The following RABGEF1 variants were observed in gnomAD, a reference collection of about 807,000 sequenced individuals.
RABGEF1 encodes RAB guanine nucleotide exchange factor 1, also known as rab5 GDP/GTP exchange factor.
A neutral mutation model predicts 57.3 loss-of-function variants in RABGEF1; 26 were observed. The ratio of observed to expected loss-of-function variants is 0.45; its 90% CI spans 0.33 to 0.63. The LOEUF (loss-of-function observed/expected upper bound fraction) is 0.63. RABGEF1 is among the 20% of genes least tolerant of loss of function. The probability of loss-of-function intolerance (pLI) is 0.02; values close to 1 mark genes in which losing one functional copy is unlikely to be tolerated. For missense variants in RABGEF1, 464 were observed against 607.6 expected, an observed-to-expected ratio of 0.76 and a Z score of 2.48; for synonymous variants, 185 against 210.7, an observed-to-expected ratio of 0.88 and a Z score of 1.06.
At chr7:66,793,640 A>G (rs1813252744) in intron 4 of RABGEF1, among the ~76,000 whole-genome samples, 2 of 145,364 alleles carry the variant, frequency 1.4e-5, no homozygotes, top group Non-Finnish European at 3.1e-5. Context: ...TTTGCATAAA[A>G]TACTTGAAGT....
At chr7:66,764,262 C>T (rs1805150603) in intron 1 of RABGEF1, among the ~76,000 whole-genome samples, 1 of 152,198 alleles carries the variant, frequency 6.6e-6, no homozygotes, top group African/African-American at 2.4e-5. Context: ...CGACTGTTTG[C>T]ATATCTTTCT....
At chr7:66,717,484 G>T (rs939417072) in intron 2 of RABGEF1, among the ~76,000 whole-genome samples, 2 of 152,108 alleles carry the variant, frequency 1.3e-5, no homozygotes, top group African/African-American at 4.8e-5. Flanking sequence ...AGGCCAGGGC[G>T]TGGTGGCTCA....
At chr7:66,692,077 A>C (rs902600746) in intron 1 of RABGEF1, among the ~76,000 whole-genome samples, 1 of 150,954 alleles carries the variant, frequency 6.6e-6, no homozygotes, top group African/African-American at 2.5e-5. Context: ...AAACAAACAA[A>C]CAAATAAATA....
chr7:66,738,203 G>A (rs182388397), upstream of RABGEF1, among the ~76,000 whole-genome samples: 1 of 151,910 alleles, frequency 6.6e-6, no homozygotes, highest in Non-Finnish European at 1.5e-5. Context: ...ATTTTTAGTA[G>A]AGGTGGCGTT....
At chr7:66,804,891 G>A (rs78910229) in intron 7 of RABGEF1, among the ~76,000 whole-genome samples, 2,230 of 152,132 alleles carry the variant, frequency 0.015, 61 homozygotes, top group East Asian at 0.095. Flanking sequence ...ATATTAATAA[G>A]AGTATCCATT....
intron 5 of RABGEF1, among the ~76,000 whole-genome samples, chr7:66,797,059 G>A (rs1482311776): frequency 1.3e-5 from 2 of 151,838 alleles, no homozygotes; most frequent in African/African-American, 2.4e-5. Context: ...TAGTACTTTG[G>A]GAGGCTGAGG....
At chr7:66,789,810 C>T (rs1244868225) in intron 4 of RABGEF1, among the ~76,000 whole-genome samples, 1 of 151,508 alleles carries the variant, frequency 6.6e-6, no homozygotes, top group Non-Finnish European at 1.5e-5. Context: ...CATCCTGGGG[C>T]AGCCGTGGTG....
the RABGEF1 span, among the ~76,000 whole-genome samples, chr7:66,670,358 GCTGGGTGAC>G: frequency 5.3e-5 from 8 of 151,582 alleles, no homozygotes; most frequent in African/African-American, 1.7e-4. Context: ...TGTCACCCAG[GCTGGGTGAC>G]ATAGTACCTA....
At chr7:66,763,640 C>G (rs545324497) in intron 1 of RABGEF1, among the ~76,000 whole-genome samples, 2 of 152,282 alleles carry the variant, frequency 1.3e-5, no homozygotes, top group South Asian at 4.1e-4. Flanking sequence ...GAACCCATGC[C>G]CTTTCTCTTA....
intron 7 of RABGEF1, among the ~76,000 whole-genome samples, chr7:66,803,059 C>A (rs1361842600): frequency 6.6e-6 from 1 of 152,034 alleles, no homozygotes; most frequent in African/African-American, 2.4e-5. Context: ...GAATAAGTTC[C>A]ATATAAGTAG....
chr7:66,723,567 GTTTTTT>G (rs1035316392), intron 2 of RABGEF1, among the ~76,000 whole-genome samples: 2 of 151,284 alleles, frequency 1.3e-5, no homozygotes, highest in Admixed American at 1.3e-4. Flanking sequence ...AACAATTACT[GTTTTTT>G]TTGTTTTTGT....
intron 3 of RABGEF1, among the ~76,000 whole-genome samples, chr7:66,778,909 A>T (rs994084605): frequency 1.3e-5 from 2 of 152,036 alleles, no homozygotes; most frequent in Admixed American, 1.3e-4. Context: ...TAAGGTTGGG[A>T]GTTTGAGACC....
intron 2 of RABGEF1, among the ~76,000 whole-genome samples, chr7:66,773,381 G>T (rs923922871): frequency 5.3e-5 from 8 of 152,110 alleles, no homozygotes; most frequent in African/African-American, 1.7e-4. Flanking sequence ...CTTCTTGTCT[G>T]TCCCAGAGAA....
intron 5 of RABGEF1, among the ~76,000 whole-genome samples, chr7:66,797,072 G>A (rs906146780): frequency 3.9e-5 from 6 of 151,942 alleles, no homozygotes; most frequent in Admixed American, 3.9e-4. Flanking sequence ...GGCTGAGGCA[G>A]GTAGATTGCT....
intron 4 of RABGEF1, among the ~76,000 whole-genome samples, chr7:66,785,603 G>A (rs1271236855): frequency 1.4e-4 from 21 of 152,208 alleles, no homozygotes; most frequent in Admixed American, 1.1e-3. Context: ...GGCCGGGTGC[G>A]GTGGCTCACG....
At chr7:66,731,131 G>C (rs554928967) in intron 2 of RABGEF1, among the ~76,000 whole-genome samples, 14 of 152,292 alleles carry the variant, frequency 9.2e-5, no homozygotes, top group African/African-American at 3.4e-4. Flanking sequence ...GCCATGGCTG[G>C]GCCAGGTAAG....
chr7:66,702,487 T>C (rs1793444555), intron 1 of RABGEF1, among the ~76,000 whole-genome samples: 1 of 152,016 alleles, frequency 6.6e-6, no homozygotes, highest in Non-Finnish European at 1.5e-5. Flanking sequence ...TCAGTTCTCT[T>C]GGGTATATAT....
At chr7:66,737,057 AGAGAGAGAGAGAGAGT>A (rs1413609065), upstream of RABGEF1, among the ~76,000 whole-genome samples, 1 of 131,532 alleles carries the variant, frequency 7.6e-6, no homozygotes, top group African/African-American at 2.7e-5. Flanking sequence ...GGGGGGAGAG[AGAGAGAGAGAGAGAGT>A]GAGAGAGAGA....
chr7:66,735,685 T>C lies in RABGEF1; in HGVS notation c.-814-4311T>C, dbSNP rs371852139. Among the ~76,000 whole-genome samples the C allele has an allele frequency of 3.0e-3, 462 of 151,970 alleles. 1 individual carries two copies. Among genetic ancestry groups the C allele is most frequent in the African/African-American group, 0.01 (419 of 41,496 alleles). ...GTTTAAAATGTGTAGCACCTCCCCCTCTCTCTCTCTTCCCTTTGCTATGGC... is the reference window on the plus strand; with the variant it reads ...GTTTAAAATGTGTAGCACCTCCCCCCCTCTCTCTCTTCCCTTTGCTATGGC... On this transcript the variant is annotated intron_variant and NMD_transcript_variant, in intron 2 of 9. Coordinates refer to the RABGEF1 transcript ENST00000607882.
Sources: gnomAD v4.1 joint callset for allele counts (sites outside exome capture counted in the v4.1 genomes callset) on GRCh38, gnomAD v4.1.1 for gene constraint, MANE v1.5 for transcripts, NCBI Gene and HGNC (gene_info 2026-07-23, HGNC 2026-07-21) for gene names.